GAMT: variants seen among roughly 807,000 people sequenced by gnomAD.
GAMT encodes the protein epididymis secretory protein Li 20.
Under a neutral mutation model 26.9 loss-of-function variants are expected in GAMT, and 26 were observed. The ratio of observed to expected loss-of-function variants is 0.97; its 90% confidence interval spans 0.71 to 1.34. The LOEUF is 1.34. Ranked by LOEUF, GAMT falls within the 40% of genes most tolerant of loss-of-function variation. The pLI is 0.00. For missense variants in GAMT, 412 were observed against 345.0 expected (o/e 1.19, Z -1.54); for synonymous variants, 169 against 149.6 (o/e 1.13, Z -0.95).
chr19:1,400,086 T>C, intron 1 of GAMT, 148 bp from the exon 2 acceptor site: 1 of 648,188 alleles, frequency 1.5e-6, no homozygotes, highest in South Asian at 2.6e-5. Context: ...GAGGGGGGCG[T>C]GCAGAGCAGG....
rs2082634449 is a variant in GAMT at position 1,401,521 on chromosome 19, G to T, written c.-45C>A. 7.9e-7 allele frequency: 1 copy of T among 1,269,120 alleles called. No homozygotes were observed. 78.6% of individuals were successfully genotyped at this position (1,269,120 alleles called of 1,614,324 possible). Reference sequence around the variant, plus strand: ...CCCGACCTCGATCGCGCGCCGCCCGGGCCCGCTCCCTGCAGGGGCTTGTGG... The same window carrying T: ...CCCGACCTCGATCGCGCGCCGCCCGTGCCCGCTCCCTGCAGGGGCTTGTGG... On this transcript the variant is annotated 5_prime_UTR_variant, in exon 1 of 6. Transcript: ENST00000252288.
chr19:1,400,207 C>T (rs1478064132), intron 1 of GAMT, among the ~76,000 whole-genome samples: 1 of 95,914 alleles, frequency 1.0e-5, no homozygotes, highest in Non-Finnish European at 2.0e-5. Context: ...GGATGCAGGG[C>T]TGGGGAGGCT....
At position 1,401,299 on chromosome 19, in the gene GAMT, TGGA is replaced by T; in HGVS notation, c.175_177del (p.Ser59del). The T allele has an allele frequency of 6.6e-7, 1 of 1,506,034 alleles. No homozygotes were observed. The highest frequency in any genetic ancestry group is 2.7e-5 in the East Asian group (1 of 37,108). 93.3% of individuals were successfully genotyped at this position (1,506,034 alleles called of 1,614,324 possible). A position where few individuals can be genotyped will look rare whatever the true frequency, so the allele number is the denominator to read the frequency against. On this transcript the variant is annotated inframe_deletion, in exon 1 of 6. Coordinates refer to ENST00000252288, the MANE Select transcript of GAMT (RefSeq NM_000156.6). The stretch of plus-strand genomic sequence containing the variant: ...GTGCAGGCCGGGCGGGGGCTACCTT[TGGA>T]GGAGGCGGCGGCGGCCAGCGCGTGC...
intron 5 of GAMT, chr19:1,397,729 C>T (rs1036300977): frequency 8.5e-6 from 12 of 1,411,962 alleles, no homozygotes; most frequent in Admixed American, 8.4e-5. Context: ...GCCCCACACT[C>T]GAGCCACCCC....
rs568392459 is a variant in GAMT at position 1,399,931 on chromosome 19, C to G, written c.189G>C (p.Arg63=). 34 of 1,607,056 alleles carry G rather than the reference C, an allele frequency of 2.1e-5. No homozygotes were observed. The Middle Eastern group carries it at 5.0e-4, about 23-fold the overall frequency. Residue 63 remains arginine, a synonymous_variant, in exon 2 of 6, where the codon CGG becomes CGC. Coordinates refer to ENST00000252288, the MANE Select transcript of GAMT (RefSeq NM_000156.6). The surrounding 1 kb of genome is among the most constrained non-coding windows in gnomAD (Gnocchi z 6.2). ...LAAAASSKGG[R]VLEVGFGMAI... ...CCATGCCAAAGCCCACCTCCAGGAC[C>G]CGGCCCCCTGGGCAGACACAGGGCG...
intron 5 of GAMT, chr19:1,398,420 TTTTCTTTCTTTCTTTC>T (rs111493245): frequency 2.9e-6 from 1 of 343,264 alleles, no homozygotes; most frequent in African/African-American, 2.2e-5. Flanking sequence ...TTTTTTTAAA[TTTTCTTTCTTTCTTTC>T]TTTCTTTCTT....
intron 1 of GAMT, among the ~76,000 whole-genome samples, chr19:1,400,696 GC>G (rs766942438): frequency 6.6e-6 from 1 of 152,176 alleles, no homozygotes; most frequent in African/African-American, 2.4e-5. Flanking sequence ...CCACACATGG[GC>G]CCCCCGCTCA....
At position 1,399,304 on chromosome 19, in the gene GAMT, G is replaced by T; in HGVS notation, c.392-109C>A. 7.8e-7 allele frequency: 1 copy of T among 1,282,984 alleles called. No homozygotes were observed. Among genetic ancestry groups the T allele is most frequent in the Non-Finnish European group, 1.1e-6 (1 of 886,492 alleles). The allele number at this position is 1,282,984 out of a possible 1,614,324, so 79.5% of individuals were successfully genotyped here. The stretch of plus-strand genomic sequence containing the variant: ...GAGGTGCAGTGAGACGGGGCCGTGG[G>T]TAGAGGTGGGGCTCCCACACAGGCT... On this transcript the variant is annotated intron_variant, in intron 3 of 5. Transcript: ENST00000252288. This position sits in a 1 kb window ranked among gnomAD's most constrained non-coding sequence, Gnocchi z 6.2.
chr19:1,400,032 C>A, intron 1 of GAMT, 94 bp from the exon 2 acceptor site: 1 of 1,461,610 alleles, frequency 6.8e-7, no homozygotes, highest in Non-Finnish European at 9.2e-7. Context: ...GCTGGGGAGA[C>A]TGCCTGGAGG....
At chr19:1,400,344 TCA>T (rs2082626985) in intron 1 of GAMT, among the ~76,000 whole-genome samples, 2 of 151,940 alleles carry the variant, frequency 1.3e-5, no homozygotes, top group South Asian at 2.1e-4. Flanking sequence ...GCTATGTGAG[TCA>T]CATTTGCCAC....
chr19:1,398,801 C>T (rs898542520), intron 5 of GAMT, 115 bp downstream of exon 5: 1 of 1,557,514 alleles, frequency 6.4e-7, no homozygotes, highest in Non-Finnish European at 8.7e-7. Flanking sequence ...GTCCAGCCCA[C>T]CCAGGGGGTC....
chr19:1,398,034 A>C (rs1327569507), intron 5 of GAMT: 1 of 1,010,480 alleles, frequency 9.9e-7, no homozygotes, highest in Non-Finnish European at 1.2e-6. Context: ...CTTAGGCTGA[A>C]CCACAGGGCA....
intron 5 of GAMT, chr19:1,397,986 C>A: frequency 4.8e-6 from 5 of 1,032,150 alleles, no homozygotes; most frequent in Non-Finnish European, 5.8e-6. Flanking sequence ...GCAAAGACAG[C>A]CAGGTGGAGG....
chr19:1,399,683 G>C lies in GAMT; in HGVS notation c.328-96C>G, dbSNP rs2082621979. ...GGAGCGGCCAGGGGGACTCCCGAGA[G>C]AGAAGACCACCTCCTCCACCTCTGA... On this transcript the variant is annotated intron_variant, in intron 2 of 5. Transcript: ENST00000252288. This position sits in a 1 kb window ranked among gnomAD's most constrained non-coding sequence, Gnocchi z 6.2. 1.3e-6 allele frequency: 2 copies of C among 1,525,974 alleles called. No individual in the cohort carries two copies. The highest frequency in any genetic ancestry group is 1.8e-6 in the Non-Finnish European group (2 of 1,131,710). The allele number at this position is 1,525,974 out of a possible 1,614,324, so 94.5% of individuals were successfully genotyped here. A position where few individuals can be genotyped will look rare whatever the true frequency, so the allele number is the denominator to read the frequency against.
chr19:1,399,587 C>T lies in GAMT; in HGVS notation c.328G>A (p.Val110Ile), dbSNP rs753198836. The T allele has an allele frequency of 6.2e-7, 1 of 1,612,340 alleles. No individual in the cohort carries two copies. The highest frequency in any genetic ancestry group is 8.5e-7 in the Non-Finnish European group (1 of 1,179,470). Residue 110 changes from valine (V) to isoleucine (I), a missense_variant and splice_region_variant, in exon 3 of 6, where the codon GTC becomes ATC. Val to Ile is a conservative substitution (Grantham distance 29). Coordinates refer to ENST00000252288, the MANE Select transcript of GAMT (RefSeq NM_000156.6). This position sits in a 1 kb window ranked among gnomAD's most constrained non-coding sequence, Gnocchi z 6.2. ...TCCCACAGGCCTTTCAAGGGGATGA[C>T]CTTGCAGAGGGGAAAAGAAAAAGAG... The part of the protein sequence containing the change: ...RDWAPRQTHK[V>I]IPLKGLWEDV...
Position 1,401,381 on chromosome 19 carries a change from C to T in GAMT, c.96G>A (p.Thr32=), listed in dbSNP as rs1293967229. Residue 32 remains threonine, a synonymous_variant, in exon 1 of 6, where the codon ACG becomes ACA. Transcript: ENST00000252288. ...AAPAAYDAAD[T]HLRILGKPVM... is the part of the protein sequence containing the mutation. ...CCGGCTTGCCCAGGATGCGCAGGTGCGTGTCCGCTGCGTCGTAGGCCGCGG... is the reference window on the plus strand; with the variant it reads ...CCGGCTTGCCCAGGATGCGCAGGTGTGTGTCCGCTGCGTCGTAGGCCGCGG... 1 of 1,507,004 alleles carries T rather than the reference C, an allele frequency of 6.6e-7. No homozygotes were observed. The highest frequency in any genetic ancestry group is 1.2e-5 in the South Asian group (1 of 80,354). 93.4% of individuals were successfully genotyped at this position (1,507,004 alleles called of 1,614,324 possible).
In GAMT at chr19:1,401,468, G is replaced by A. The variant is rs1048753323; in HGVS notation, c.9C>T (p.Ala3=). ...GCGCGAAGATGGGGGTCGCGCTGGG[G>A]GCGCTCATGCTGCAGGCTGGACGGC... MS[A]PSATPIFAPG... is the part of the protein sequence containing the mutation. The change falls in exon 1 of 6, where the codon GCC becomes GCT. Residue 3 remains alanine, a synonymous_variant. Coordinates refer to ENST00000252288, the MANE Select transcript of GAMT (RefSeq NM_000156.6). 5 of 1,369,164 alleles carry A rather than the reference G, an allele frequency of 3.7e-6. No homozygotes were observed. In the African/African-American group the frequency reaches 6.0e-5, roughly 17 times the overall value. The allele number at this position is 1,369,164 out of a possible 1,614,324, so 84.8% of individuals were successfully genotyped here.
chr19:1,399,961 G>C lies in GAMT; in HGVS notation c.182-23C>G. ...CCCCTGGGCAGACACAGGGCGCCTGGCATCACTAGGTGGGGCGGGCTTAGG... is the reference window on the plus strand; with the variant it reads ...CCCCTGGGCAGACACAGGGCGCCTGCCATCACTAGGTGGGGCGGGCTTAGG... On this transcript the variant is annotated intron_variant, in intron 1 of 5. Coordinates refer to ENST00000252288, the MANE Select transcript of GAMT (RefSeq NM_000156.6). This position sits in a 1 kb window ranked among gnomAD's most constrained non-coding sequence, Gnocchi z 6.2. The C allele has an allele frequency of 6.3e-7, 1 of 1,593,978 alleles. No individual in the cohort carries two copies. The highest frequency in any genetic ancestry group is 8.5e-7 in the Non-Finnish European group (1 of 1,172,560).
Position 1,399,582 on chromosome 19 carries a change from G to C in GAMT, c.333C>G (p.Ile111Met). The C allele has an allele frequency of 2.5e-6, 4 of 1,612,678 alleles. No homozygotes were observed. The highest frequency in any genetic ancestry group is 3.4e-6 in the Non-Finnish European group (4 of 1,179,584). The part of the protein sequence containing the change: ...DWAPRQTHKV[I>M]PLKGLWEDVA... ...CATCCTCCCACAGGCCTTTCAAGGGGATGACCTTGCAGAGGGGAAAAGAAA... is the reference window on the plus strand; with the variant it reads ...CATCCTCCCACAGGCCTTTCAAGGGCATGACCTTGCAGAGGGGAAAAGAAA... Residue 111 changes from isoleucine (I) to methionine (M), a missense_variant, in exon 3 of 6, where the codon ATC (isoleucine) becomes ATG (methionine). Physicochemically the swap from Ile to Met is conservative, Grantham distance 10. Coordinates refer to ENST00000252288, the MANE Select transcript of GAMT (RefSeq NM_000156.6). This position sits in a 1 kb window ranked among gnomAD's most constrained non-coding sequence, Gnocchi z 6.2.
Sources: allele counts gnomAD v4.1 joint callset (sites outside exome capture counted in the v4.1 genomes callset), GRCh38; gene constraint gnomAD v4.1.1; non-coding constraint Gnocchi (gnomAD v3.1); transcripts MANE v1.5; gene names NCBI Gene and HGNC (gene_info 2026-07-23, HGNC 2026-07-21).